The following CYTH3 variants were observed in gnomAD, a reference collection of about 807,000 sequenced individuals.
CYTH3 encodes cytohesin 3, also known as cytohesin-3.
In CYTH3, 23 loss-of-function variants were observed where a neutral mutation model predicts 55.1. The ratio of observed to expected loss-of-function variants is 0.42; its 90% CI spans 0.30 to 0.59. The LOEUF (loss-of-function observed/expected upper bound fraction) is 0.59, where lower values mean the gene tolerates loss of function less well. CYTH3 is among the 20% of genes least tolerant of loss of function. The pLI is 0.20. For missense variants in CYTH3, 413 were observed against 524.8 expected, an observed-to-expected ratio of 0.79 and a Z score of 2.08; for synonymous variants, 249 against 194.9, an observed-to-expected ratio of 1.28 and a Z score of -2.31.
chr7:6,272,431 G>A, intron 1 of CYTH3, 43 bp downstream of exon 1: 1 of 862,166 alleles, frequency 1.2e-6, no homozygotes. Flanking sequence ...CCCGGCCCCC[G>A]ACCCCAGGCC....
chr7:6,187,605 G>C, intron 3 of CYTH3, 52 bp downstream of exon 3: 1 of 1,492,288 alleles, frequency 6.7e-7, no homozygotes, highest in Non-Finnish European at 9.4e-7. Context: ...CTACAGGATG[G>C]AGGTAGAAAG....
At chr7:6,263,779 C>G (rs975813207) in intron 1 of CYTH3, among the ~76,000 whole-genome samples, 7 of 148,030 alleles carry the variant, frequency 4.7e-5, no homozygotes, top group Non-Finnish European at 1.0e-4. Context: ...GCCTGGGAAA[C>G]AGAGTGAGGA....
chr7:6,246,446 T>C (rs1779818923), intron 1 of CYTH3, among the ~76,000 whole-genome samples: 2 of 152,120 alleles, frequency 1.3e-5, no homozygotes, highest in South Asian at 4.1e-4. Context: ...CCTTATCCTG[T>C]GATCAAATTT....
chr7:6,192,450 G>T (rs1004165394), intron 1 of CYTH3, among the ~76,000 whole-genome samples: 6 of 150,848 alleles, frequency 4.0e-5, no homozygotes, highest in Non-Finnish European at 7.4e-5. Flanking sequence ...TGAACACCTG[G>T]CCTGAAGCAA....
In CYTH3 at chr7:6,170,509, C is replaced by T. The variant is rs748351886; in HGVS notation, c.823+26G>A. On this transcript the variant is annotated intron_variant, in intron 9 of 12. Transcript: ENST00000350796. This position sits in a 1 kb window ranked among gnomAD's most constrained non-coding sequence, Gnocchi z 7.8. ...CTGCCATGGGCAGAGGGGTCACGCCCGGGTCCCGCTGGGCCGGCGGCTCAC... is the reference window on the plus strand; with the variant it reads ...CTGCCATGGGCAGAGGGGTCACGCCTGGGTCCCGCTGGGCCGGCGGCTCAC... The T allele has an allele frequency of 7.5e-6, 12 of 1,608,188 alleles. No homozygotes were observed. Among genetic ancestry groups the T allele is most frequent in the South Asian group, 1.1e-5 (1 of 90,446 alleles).
intron 1 of CYTH3, among the ~76,000 whole-genome samples, chr7:6,264,654 G>A (rs564848778): frequency 1.3e-5 from 2 of 152,158 alleles, no homozygotes; most frequent in Non-Finnish European, 2.9e-5. Flanking sequence ...GCCCCATATC[G>A]AATTCATAAT....
chr7:6,165,823 G>A lies in CYTH3; in HGVS notation c.824-13C>T, dbSNP rs1229275548. On this transcript the variant is annotated splice_polypyrimidine_tract_variant and intron_variant, in intron 9 of 12. Coordinates refer to ENST00000350796, the MANE Select transcript of CYTH3 (RefSeq NM_004227.4). ...TTCACACGCCCTCCTAGAAGCAGAA[G>A]GGCCCCGTGAGTCTGCGCTCCGTGC... 2 of 1,613,942 alleles carry A rather than the reference G, an allele frequency of 1.2e-6. No individual in the cohort carries two copies. Among genetic ancestry groups the A allele is most frequent in the South Asian group, 1.1e-5 (1 of 91,072 alleles).
At chr7:6,233,926 G>A (rs1779453148) in intron 1 of CYTH3, among the ~76,000 whole-genome samples, 1 of 152,096 alleles carries the variant, frequency 6.6e-6, no homozygotes. Flanking sequence ...CCTTTTCTCT[G>A]TGTCCTCACT....
At chr7:6,244,571 C>T (rs892036828) in intron 1 of CYTH3, among the ~76,000 whole-genome samples, 12 of 152,112 alleles carry the variant, frequency 7.9e-5, no homozygotes, top group Admixed American at 5.9e-4. Context: ...CTCAAGCGAT[C>T]CTCCTGCCTC....
chr7:6,234,305 C>A (rs952895045), intron 1 of CYTH3, among the ~76,000 whole-genome samples: 1 of 152,084 alleles, frequency 6.6e-6, no homozygotes, highest in African/African-American at 2.4e-5. Flanking sequence ...ACCCACTGCC[C>A]TGGAAAAAGA....
intron 1 of CYTH3, among the ~76,000 whole-genome samples, chr7:6,195,700 G>A (rs1223946244): frequency 1.3e-5 from 2 of 152,026 alleles, no homozygotes; most frequent in African/African-American, 2.4e-5. Flanking sequence ...ACAATTTACT[G>A]ATCAACTAAC....
intron 4 of CYTH3, among the ~76,000 whole-genome samples, chr7:6,180,871 T>C (rs1783488785): frequency 6.6e-6 from 1 of 152,236 alleles, no homozygotes; most frequent in Non-Finnish European, 1.5e-5. Flanking sequence ...TATTATTTTA[T>C]TAATACCCAA....
intron 4 of CYTH3, among the ~76,000 whole-genome samples, chr7:6,179,676 C>A (rs1583749127): frequency 1.1e-5 from 1 of 95,120 alleles, no homozygotes; most frequent in African/African-American, 5.1e-5. Flanking sequence ...CACACACACA[C>A]CACACACACC....
chr7:6,183,793 G>A lies in CYTH3; in HGVS notation c.249+3257C>T, dbSNP rs190621630. ...CCCCACTGTGATGCTATCTGGAGAC[G>A]GGGTCTTTTGGAGGTAATCAGTGTT... On this transcript the variant is annotated intron_variant, in intron 4 of 12. Transcript: ENST00000350796. Among the ~76,000 whole-genome samples the A allele has an allele frequency of 1.2e-4, 18 of 151,602 alleles. 1 individual carries two copies. Among genetic ancestry groups the A allele is most frequent in the Admixed American group, 7.9e-4 (12 of 15,240 alleles).
intron 1 of CYTH3, among the ~76,000 whole-genome samples, chr7:6,197,136 G>T (rs1270026004): frequency 1.3e-5 from 2 of 152,112 alleles, no homozygotes; most frequent in African/African-American, 2.4e-5. Flanking sequence ...GGAATCAAAG[G>T]ATTTCCTTGA....
chr7:6,190,427 G>GTTTTTTTT, intron 2 of CYTH3, 22 bp downstream of exon 2: 4 of 1,247,498 alleles, frequency 3.2e-6, no homozygotes, highest in East Asian at 3.2e-5. Context: ...TTGGATTTTT[G>GTTTTTTTT]GTTTTTTTTT....
intron 1 of CYTH3, among the ~76,000 whole-genome samples, chr7:6,243,733 G>C (rs1779734420): frequency 6.6e-6 from 1 of 152,146 alleles, no homozygotes; most frequent in South Asian, 2.1e-4. Flanking sequence ...CCAATGAATT[G>C]ATGAAAACTG....
At chr7:6,227,833 A>T (rs1779294006) in intron 1 of CYTH3, among the ~76,000 whole-genome samples, 1 of 152,236 alleles carries the variant, frequency 6.6e-6, no homozygotes, top group Admixed American at 6.5e-5. Flanking sequence ...CAAGCAGAGA[A>T]TTCCACAGTG....
intron 1 of CYTH3, among the ~76,000 whole-genome samples, chr7:6,253,666 A>C (rs2115050727): frequency 6.6e-6 from 1 of 152,226 alleles, no homozygotes; most frequent in African/African-American, 2.4e-5. Context: ...AAATACAAAA[A>C]TTAGCCGGGC....
Sources: allele counts gnomAD v4.1 joint callset (sites outside exome capture counted in the v4.1 genomes callset), GRCh38; gene constraint gnomAD v4.1.1; non-coding constraint Gnocchi (gnomAD v3.1); transcripts MANE v1.5; gene names NCBI Gene and HGNC (gene_info 2026-07-23, HGNC 2026-07-21).